The following EHBP1 variants were observed in gnomAD, a reference collection of about 807,000 sequenced individuals.
EHBP1 encodes EH domain-binding protein 1.
A neutral mutation model predicts 144.0 loss-of-function variants in EHBP1; 55 were observed. The observed-to-expected ratio is 0.38, with a 90% CI of 0.31 to 0.48. The LOEUF (loss-of-function observed/expected upper bound fraction) is 0.48. EHBP1 is among the 20% of genes least tolerant of loss of function. The probability of loss-of-function intolerance (pLI) is 0.98; values close to 1 mark genes in which losing one functional copy is unlikely to be tolerated. For synonymous variants in EHBP1, 469 were observed against 472.7 expected (o/e 0.99, Z 0.10); for missense variants, 1,200 against 1,364.2 (o/e 0.88, Z 1.90).
At chr2:62,896,258 TGTC>T (rs1449776246) in intron 10 of EHBP1, among the ~76,000 whole-genome samples, 1 of 152,176 alleles carries the variant, frequency 6.6e-6, no homozygotes, top group East Asian at 1.9e-4. Context: ...AGTAATAACT[TGTC>T]GTGTTTAAAG....
chr2:62,717,262 A>G (rs576029025), intron 2 of EHBP1, among the ~76,000 whole-genome samples: 1 of 152,338 alleles, frequency 6.6e-6, no homozygotes, highest in Admixed American at 6.5e-5. Flanking sequence ...TTAGTTTCAA[A>G]TGAGTTTTGC....
chr2:62,731,493 A>C (rs2037594403), intron 2 of EHBP1, among the ~76,000 whole-genome samples: 1 of 152,190 alleles, frequency 6.6e-6, no homozygotes, highest in South Asian at 2.1e-4. Flanking sequence ...CTTGGCAGGA[A>C]GGCATCTAGT....
In EHBP1 at chr2:62,834,591, C is replaced by G. The variant is rs536096510; in HGVS notation, c.634+3433C>G. ...TTAATAGACTATAGTATAAACGTAA[C>G]TTTTATATGCACTGGGAAGCCAAAA... On this transcript the variant is annotated intron_variant, in intron 7 of 22. Transcript: ENST00000431489. Among the ~76,000 whole-genome samples the G allele has an allele frequency of 7.2e-5, 11 of 152,274 alleles. No homozygotes were observed. The South Asian group carries it at 2.3e-3, about 32-fold the overall frequency.
chr2:62,900,704 T>TATA, intron 10 of EHBP1, among the ~76,000 whole-genome samples: 1 of 138,884 alleles, frequency 7.2e-6, no homozygotes, highest in Admixed American at 6.8e-5. Flanking sequence ...ATATATATAT[T>TATA]TTCTTTCTCT....
chr2:62,880,277 C>G lies in EHBP1; in HGVS notation c.1185+5745C>G, dbSNP rs1049920338. 2.6e-5 allele frequency among the ~76,000 whole-genome samples: 4 copies of G among 150,986 alleles called. No individual in the cohort carries two copies. In the East Asian group the frequency reaches 7.8e-4, roughly 29 times the overall value. On this transcript the variant is annotated intron_variant, in intron 10 of 22. Transcript: ENST00000431489. ...TAAAATTATAACCCTAGAAGAAAGC[C>G]TAGGAAATACCATTATGTGATATTG...
At chr2:62,681,398 G>GTA (rs545582118) in intron 1 of EHBP1, among the ~76,000 whole-genome samples, 448 of 122,428 alleles carry the variant, frequency 3.7e-3, no homozygotes, top group Admixed American at 6.4e-3. Context: ...GTGTATATAT[G>GTA]TATATATATA....
chr2:62,789,286 T>C (rs1002065454), intron 5 of EHBP1, among the ~76,000 whole-genome samples: 4 of 152,218 alleles, frequency 2.6e-5, no homozygotes, highest in African/African-American at 7.2e-5. Context: ...GAAAAAGACC[T>C]TGGAATTCCT....
chr2:62,897,243 TCATTTAA>T (rs2053010800), intron 10 of EHBP1, among the ~76,000 whole-genome samples: 1 of 152,210 alleles, frequency 6.6e-6, no homozygotes, highest in South Asian at 2.1e-4. Context: ...TTTGCTCTTC[TCATTTAA>T]CAGTTATCCT....
At chr2:62,827,016 C>A (rs1339086897) in intron 6 of EHBP1, among the ~76,000 whole-genome samples, 1 of 152,268 alleles carries the variant, frequency 6.6e-6, no homozygotes, top group East Asian at 1.9e-4. Flanking sequence ...AATTCTATAC[C>A]TAGACTTAAA....
At chr2:62,888,828 CA>C (rs1446454818) in intron 10 of EHBP1, among the ~76,000 whole-genome samples, 5 of 152,094 alleles carry the variant, frequency 3.3e-5, no homozygotes, top group Non-Finnish European at 7.3e-5. Flanking sequence ...TAGATTCACA[CA>C]AACTATGACA....
At chr2:62,710,807 A>T (rs75343886) in intron 2 of EHBP1, among the ~76,000 whole-genome samples, 1 of 152,180 alleles carries the variant, frequency 6.6e-6, no homozygotes, top group East Asian at 1.9e-4. Context: ...TTAGACATTA[A>T]GAAGACTACA....
intron 10 of EHBP1, among the ~76,000 whole-genome samples, chr2:62,917,536 AAT>A (rs931512835): frequency 6.6e-6 from 1 of 152,176 alleles, no homozygotes; most frequent in African/African-American, 2.4e-5. Context: ...ACCTAGATCT[AAT>A]TGACTCTATA....
At chr2:62,779,591 T>C (rs1178925464) in intron 5 of EHBP1, among the ~76,000 whole-genome samples, 1 of 152,218 alleles carries the variant, frequency 6.6e-6, no homozygotes, top group Non-Finnish European at 1.5e-5. Context: ...GATCCCTGTA[T>C]TGTTAGATCT....
intron 9 of EHBP1, among the ~76,000 whole-genome samples, chr2:62,869,720 T>G (rs2050314325): frequency 6.6e-6 from 1 of 152,232 alleles, no homozygotes; most frequent in African/African-American, 2.4e-5. Flanking sequence ...GCTGATGGTT[T>G]CACACTTGCA....
chr2:62,923,122 T>C (rs1429725024), intron 10 of EHBP1, among the ~76,000 whole-genome samples: 2 of 152,178 alleles, frequency 1.3e-5, no homozygotes, highest in South Asian at 2.1e-4. Context: ...ACATAGTCAC[T>C]GCACCTGTCT....
At chr2:62,767,496 A>G (rs1186258357) in intron 4 of EHBP1, among the ~76,000 whole-genome samples, 3 of 151,990 alleles carry the variant, frequency 2.0e-5, no homozygotes, top group Non-Finnish European at 4.4e-5. Context: ...AAGGAGTTCA[A>G]GACAAGCCTG....
Position 63,045,097 on chromosome 2 carries a change from C to T in EHBP1, c.3309C>T (p.Arg1103=). 2 of 1,581,704 alleles carry T rather than the reference C, an allele frequency of 1.3e-6. No individual in the cohort carries two copies. Among genetic ancestry groups the T allele is most frequent in the South Asian group, 1.2e-5 (1 of 86,438 alleles). Residue 1103 remains arginine, a synonymous_variant, in exon 22 of 23, where the codon CGC becomes CGT. Coordinates refer to ENST00000431489, the MANE Select transcript of EHBP1 (RefSeq NM_001142616.3). The surrounding 1 kb of genome is among the most constrained non-coding windows in gnomAD (Gnocchi z 5.7). ...DWQKTEAQKR[R]EQLLLDELVA... Reference sequence around the variant, plus strand: ...AGAAGACCGAGGCCCAGAAGCGACGCGAACAGCTTCTGCTAGATGAGCTGG... The same window carrying T: ...AGAAGACCGAGGCCCAGAAGCGACGTGAACAGCTTCTGCTAGATGAGCTGG...
intron 10 of EHBP1, among the ~76,000 whole-genome samples, chr2:62,878,093 G>A (rs957476918): frequency 6.6e-6 from 1 of 152,088 alleles, no homozygotes; most frequent in African/African-American, 2.4e-5. Flanking sequence ...TGCTCGTTAG[G>A]CTAGTAAAAG....
At chr2:62,810,402 A>G (rs1008474021) in intron 5 of EHBP1, among the ~76,000 whole-genome samples, 4 of 152,222 alleles carry the variant, frequency 2.6e-5, no homozygotes, top group South Asian at 2.1e-4. Context: ...AAGTGACAGT[A>G]GAGATGGGAA....
Sources: gnomAD v4.1 joint callset for allele counts (sites outside exome capture counted in the v4.1 genomes callset) on GRCh38, gnomAD v4.1.1 for gene constraint, Gnocchi (gnomAD v3.1) non-coding constraint, MANE v1.5 for transcripts, NCBI Gene and HGNC (gene_info 2026-07-23, HGNC 2026-07-21) for gene names.